The following AGPAT5 variants were observed in gnomAD, a reference collection of about 807,000 sequenced individuals.
AGPAT5 encodes the protein 1-acylglycerol-3-phosphate O-acyltransferase 5.
A neutral mutation model predicts 45.6 loss-of-function variants in AGPAT5; 46 were observed. The observed-to-expected ratio is 1.01, with a 90% CI of 0.80 to 1.29. AGPAT5 has a LOEUF of 1.29. AGPAT5 is among the 50% of genes most tolerant of loss of function. The pLI is 0.00. For missense variants in AGPAT5, 673 were observed against 450.7 expected (o/e 1.49, Z -4.47); for synonymous variants, 272 against 167.0 (o/e 1.63, Z -4.85).
rs776513670 is a variant in AGPAT5 at position 6,730,820 on chromosome 8, T to G, written c.399T>G (p.Phe133Leu). 3 of 1,610,086 alleles carry G rather than the reference T, an allele frequency of 1.9e-6. No homozygotes were observed. Among genetic ancestry groups the G allele is most frequent in the Non-Finnish European group, 2.5e-6 (3 of 1,176,848 alleles). ...LKWLPLYGCY[F>L]AQHGGIYVKR... ...GGCTGCCATTGTATGGGTGTTACTT[T>G]GCTCAGGTAACTTGTTTCCATGCTT... The change falls in exon 3 of 8, where the codon TTT (phenylalanine) becomes TTG (leucine). Residue 133 changes from phenylalanine to leucine, a missense_variant. Phe to Leu is a conservative substitution (Grantham distance 22). Coordinates refer to ENST00000285518, the MANE Select transcript of AGPAT5 (RefSeq NM_018361.5).
At chr8:6,710,502 A>G (rs1186761798) in intron 1 of AGPAT5, among the ~76,000 whole-genome samples, 1 of 152,248 alleles carries the variant, frequency 6.6e-6, no homozygotes, top group East Asian at 1.9e-4. Flanking sequence ...TAGGAGTCGT[A>G]GAACGAACTG....
At chr8:6,742,205 G>A (rs1801264518) in intron 5 of AGPAT5, among the ~76,000 whole-genome samples, 1 of 152,138 alleles carries the variant, frequency 6.6e-6, no homozygotes, top group African/African-American at 2.4e-5. Flanking sequence ...AAGAACATAT[G>A]CCTTATAAGT....
chr8:6,722,671 G>T (rs932445234), intron 1 of AGPAT5, among the ~76,000 whole-genome samples: 1 of 152,178 alleles, frequency 6.6e-6, no homozygotes, highest in Non-Finnish European at 1.5e-5. Context: ...GGTGAAACTG[G>T]TCCGCATCTA....
chr8:6,713,931 G>C (rs998234800), intron 1 of AGPAT5, among the ~76,000 whole-genome samples: 7 of 152,158 alleles, frequency 4.6e-5, no homozygotes, highest in African/African-American at 1.7e-4. Context: ...TCTTTGTGTA[G>C]CACTGATTCA....
chr8:6,730,726 C>A lies in AGPAT5; in HGVS notation c.305C>A (p.Ala102Asp). 1 of 1,613,042 alleles carries A rather than the reference C, an allele frequency of 6.2e-7. No individual in the cohort carries two copies. Among genetic ancestry groups the A allele is most frequent in the Non-Finnish European group, 8.5e-7 (1 of 1,179,256 alleles). Residue 102 changes from alanine to aspartate, a missense_variant, in exon 3 of 8, where the codon GCT becomes GAT. Transcript: ENST00000285518. ...GTCTCTGCAGTTGACTGGATTGTTG[C>A]TGACATCTTGGCCATCAGGCAGAAT... is the stretch of plus-strand genomic sequence containing the variant. ...NHQSTVDWIVADILAIRQNAL... is the reference protein window; with the variant it reads ...NHQSTVDWIVDDILAIRQNAL...
intron 4 of AGPAT5, among the ~76,000 whole-genome samples, chr8:6,740,931 G>A (rs1174955952): frequency 6.6e-6 from 1 of 152,128 alleles, no homozygotes; most frequent in Non-Finnish European, 1.5e-5. Context: ...AAAGTTATTA[G>A]TGTAGTTTTT....
At chr8:6,742,825 G>A (rs539404601) in intron 5 of AGPAT5, among the ~76,000 whole-genome samples, 1 of 152,266 alleles carries the variant, frequency 6.6e-6, no homozygotes, top group Non-Finnish European at 1.5e-5. Flanking sequence ...TAAGTAAGGA[G>A]TGTTTCAGAA....
chr8:6,725,618 A>G (rs1259757230), intron 2 of AGPAT5, among the ~76,000 whole-genome samples: 2 of 152,214 alleles, frequency 1.3e-5, no homozygotes, highest in Non-Finnish European at 2.9e-5. Context: ...AGAATCAGGA[A>G]ATTGTCATTG....
At position 6,758,136 on chromosome 8, in the gene AGPAT5, A is replaced by C. The variant is rs1160953011; in HGVS notation, c.*748A>C. 1 of 152,304 alleles carries C rather than the reference A, an allele frequency of 6.6e-6. No individual in the cohort carries two copies. The highest frequency in any genetic ancestry group is 6.5e-5 in the Admixed American group (1 of 15,280). The allele number at this position is 152,304 out of a possible 1,614,324, so 9.4% of individuals were successfully genotyped here. On this transcript the variant is annotated 3_prime_UTR_variant, in exon 8 of 8. Transcript: ENST00000285518. ...AATTTCCCAGCTTTTTGAAGATTTA[A>C]GCTACACTATTAGTACTTCCCTTTG... is the stretch of plus-strand genomic sequence containing the variant.
At chr8:6,718,042 A>T (rs554289826) in intron 1 of AGPAT5, among the ~76,000 whole-genome samples, 1 of 152,344 alleles carries the variant, frequency 6.6e-6, no homozygotes, top group South Asian at 2.1e-4. Context: ...CTTAAATGGA[A>T]TACTTTTTGT....
rs1404109986 is a variant in AGPAT5 at position 6,760,780 on chromosome 8, T to C, written c.*3392T>C. Among the ~76,000 whole-genome samples the C allele has an allele frequency of 6.6e-6, 1 of 151,986 alleles. No homozygotes were observed. Among genetic ancestry groups the C allele is most frequent in the African/African-American group, 2.4e-5 (1 of 41,228 alleles). On this transcript the variant is annotated 3_prime_UTR_variant, in exon 8 of 8. Transcript: ENST00000285518. Reference sequence around the variant, plus strand: ...GAAATTACGTTATCACTTAGTATAATTGACATTATATAGAGACTATGTAAC... The same window carrying C: ...GAAATTACGTTATCACTTAGTATAACTGACATTATATAGAGACTATGTAAC...
chr8:6,737,094 G>C (rs569254960), intron 4 of AGPAT5, among the ~76,000 whole-genome samples: 2 of 152,204 alleles, frequency 1.3e-5, no homozygotes, highest in Non-Finnish European at 2.9e-5. Flanking sequence ...TACGAGAATA[G>C]CCTCCCTGTT....
At chr8:6,728,367 G>C (rs1800756826) in intron 2 of AGPAT5, among the ~76,000 whole-genome samples, 1 of 152,228 alleles carries the variant, frequency 6.6e-6, no homozygotes, top group African/African-American at 2.4e-5. Context: ...AGGTAGCTGA[G>C]AATAAACAAG....
In AGPAT5 at chr8:6,708,868, A is replaced by T; in HGVS notation, c.200A>T (p.Glu67Val). 6.2e-7 allele frequency: 1 copy of T among 1,607,114 alleles called. No individual in the cohort carries two copies. Reference protein sequence around the residue: ...VYQSMVLFFFENYTGVQILLY... With the variant: ...VYQSMVLFFFVNYTGVQILLY... ...CAGAGCATGGTGCTCTTCTTCTTCGAGAATTACACCGGGGTCCAGGTGAGC... is the reference window on the plus strand; with the variant it reads ...CAGAGCATGGTGCTCTTCTTCTTCGTGAATTACACCGGGGTCCAGGTGAGC... The change falls in exon 1 of 8, where the codon GAG becomes GTG. Residue 67 changes from glutamate (E) to valine (V), a missense_variant. Physicochemically the swap from Glu to Val is moderately radical, Grantham distance 121. Coordinates refer to ENST00000285518, the MANE Select transcript of AGPAT5 (RefSeq NM_018361.5).
intron 1 of AGPAT5, among the ~76,000 whole-genome samples, chr8:6,710,070 C>A (rs377047595): frequency 2.0e-5 from 3 of 152,174 alleles, no homozygotes; most frequent in Non-Finnish European, 2.9e-5. Context: ...ACTTCCACAT[C>A]ATGTGACAAC....
chr8:6,738,144 A>G (rs75938212), intron 4 of AGPAT5, among the ~76,000 whole-genome samples: 5,578 of 152,262 alleles, frequency 0.037, 313 homozygotes, highest in African/African-American at 0.13. Flanking sequence ...TTGGCTGTTT[A>G]GTGGAAAGGA....
At chr8:6,727,523 A>G (rs1800729257) in intron 2 of AGPAT5, among the ~76,000 whole-genome samples, 1 of 152,094 alleles carries the variant, frequency 6.6e-6, no homozygotes. Flanking sequence ...CTGGGATTAC[A>G]GACATGCACC....
At chr8:6,717,091 A>G (rs984248779) in intron 1 of AGPAT5, among the ~76,000 whole-genome samples, 2 of 152,230 alleles carry the variant, frequency 1.3e-5, no homozygotes, top group African/African-American at 4.8e-5. Flanking sequence ...GCAAAGTCAG[A>G]GAAGTTAAAA....
At chr8:6,708,939 C>A (rs778832590) in intron 1 of AGPAT5, 52 bp downstream of exon 1, 1 of 1,525,618 alleles carries the variant, frequency 6.6e-7, no homozygotes, top group Middle Eastern at 1.7e-4. Context: ...CTCCCGGGGG[C>A]GCGGACCTCT....
Sources: gnomAD v4.1 joint callset for allele counts (sites outside exome capture counted in the v4.1 genomes callset) on GRCh38, gnomAD v4.1.1 for gene constraint, MANE v1.5 for transcripts, NCBI Gene and HGNC (gene_info 2026-07-23, HGNC 2026-07-21) for gene names.